The following RTN4RL1 variants were observed in gnomAD, a reference collection of about 807,000 sequenced individuals.
RTN4RL1 encodes the protein reticulon-4 receptor-like 1.
Under a neutral mutation model 25.6 loss-of-function variants are expected in RTN4RL1, and 7 were observed. That is an observed-to-expected ratio of 0.27 (90% CI 0.16 to 0.51). The LOEUF is 0.51. Among genes scored for constraint, RTN4RL1 ranks in the 20% least tolerant of loss-of-function variants. The pLI is 0.97. For missense variants in RTN4RL1, 500 were observed against 615.6 expected, an observed-to-expected ratio of 0.81 and a Z score of 1.99; for synonymous variants, 297 against 288.2, an observed-to-expected ratio of 1.03 and a Z score of -0.31.
chr17:1,938,842 G>A (rs1915371447), intron 1 of RTN4RL1, among the ~76,000 whole-genome samples: 1 of 150,966 alleles, frequency 6.6e-6, no homozygotes, highest in African/African-American at 2.4e-5. Context: ...CCTGAGGTCA[G>A]GAGTTCAACA....
At chr17:2,005,147 G>A (rs781507542) in intron 1 of RTN4RL1, among the ~76,000 whole-genome samples, 1 of 151,806 alleles carries the variant, frequency 6.6e-6, no homozygotes, top group Non-Finnish European at 1.5e-5. Context: ...CTGGGACTAC[G>A]GGTGCACACC....
chr17:1,967,424 T>G (rs2066796814), intron 1 of RTN4RL1, among the ~76,000 whole-genome samples: 1 of 151,926 alleles, frequency 6.6e-6, no homozygotes, highest in South Asian at 2.1e-4. Context: ...GTCTGTAGAC[T>G]CAGATCAAGC....
intron 1 of RTN4RL1, among the ~76,000 whole-genome samples, chr17:2,018,497 G>A (rs1305934269): frequency 6.6e-6 from 1 of 152,190 alleles, no homozygotes; most frequent in East Asian, 1.9e-4. Context: ...AGAGGGGAGT[G>A]CATAGGAACC....
At chr17:1,955,914 T>C (rs1045550968) in intron 1 of RTN4RL1, among the ~76,000 whole-genome samples, 1 of 152,064 alleles carries the variant, frequency 6.6e-6, no homozygotes, top group Non-Finnish European at 1.5e-5. Context: ...GTGGAAAACA[T>C]GAAAAGTATA....
rs1915298747 is a variant in RTN4RL1 at position 1,936,162 on chromosome 17, C to T, written c.*334G>A. ...GGAACGATCGGGATTCCACAGAGCCCCGGTGCCGCCGTCGGGGGCAATTGT... is the reference window on the plus strand; with the variant it reads ...GGAACGATCGGGATTCCACAGAGCCTCGGTGCCGCCGTCGGGGGCAATTGT... On this transcript the variant is annotated 3_prime_UTR_variant, in exon 2 of 2. Coordinates refer to ENST00000331238, the MANE Select transcript of RTN4RL1 (RefSeq NM_178568.4). 1.8e-6 allele frequency: 2 copies of T among 1,127,316 alleles called. No individual in the cohort carries two copies. The highest frequency in any genetic ancestry group is 2.2e-6 in the Non-Finnish European group (2 of 919,468). 69.8% of individuals were successfully genotyped at this position (1,127,316 alleles called of 1,614,324 possible).
intron 1 of RTN4RL1, among the ~76,000 whole-genome samples, chr17:1,940,186 T>C (rs1050887758): frequency 6.6e-6 from 1 of 152,230 alleles, no homozygotes; most frequent in Admixed American, 6.5e-5. Flanking sequence ...TCCCGTCCCC[T>C]GTAATCACCC....
At chr17:1,990,651 T>G (rs2066904789) in intron 1 of RTN4RL1, among the ~76,000 whole-genome samples, 1 of 151,878 alleles carries the variant, frequency 6.6e-6, no homozygotes, top group South Asian at 2.1e-4. Context: ...CAGTGAGCCA[T>G]GATGACACCA....
intron 1 of RTN4RL1, among the ~76,000 whole-genome samples, chr17:1,938,973 G>A (rs1374325783): frequency 1.3e-5 from 2 of 151,962 alleles, no homozygotes; most frequent in Non-Finnish European, 2.9e-5. Context: ...TTGAACCTGG[G>A]AGGCGGAGGT....
chr17:1,995,234 T>C (rs2066924229), intron 1 of RTN4RL1, among the ~76,000 whole-genome samples: 1 of 152,130 alleles, frequency 6.6e-6, no homozygotes, highest in African/African-American at 2.4e-5. Context: ...GAGACCGGCC[T>C]GGCCAACATG....
intron 1 of RTN4RL1, among the ~76,000 whole-genome samples, chr17:1,970,117 G>A (rs1244224736): frequency 6.6e-6 from 1 of 151,496 alleles, no homozygotes; most frequent in African/African-American, 2.4e-5. Context: ...CGCCTCCCAG[G>A]TTCAAGCGAT....
intron 1 of RTN4RL1, among the ~76,000 whole-genome samples, chr17:1,938,465 G>T (rs1915361928): frequency 6.6e-6 from 1 of 151,528 alleles, no homozygotes. Context: ...TCACGCCCAG[G>T]TAGTTTTTGT....
At chr17:2,022,007 T>C (rs913066227) in intron 1 of RTN4RL1, among the ~76,000 whole-genome samples, 4 of 151,382 alleles carry the variant, frequency 2.6e-5, no homozygotes, top group Non-Finnish European at 5.9e-5. Context: ...CACCAGTGTA[T>C]GCCACTGCAA....
Position 1,970,537 on chromosome 17 carries a change from G to A in RTN4RL1, c.14-32729C>T, listed in dbSNP as rs533714300. 2.8e-4 allele frequency among the ~76,000 whole-genome samples: 43 copies of A among 152,302 alleles called. 1 individual carries two copies. In the South Asian group the frequency reaches 8.3e-3, roughly 29 times the overall value. On this transcript the variant is annotated intron_variant, in intron 1 of 1. Transcript: ENST00000331238. ...AGGTTCCACGTGGGAAGGGGCCCTC[G>A]TGGGACAGGCGTGGCAGGAGGGATG... is the stretch of plus-strand genomic sequence containing the variant.
intron 1 of RTN4RL1, 29 bp from the exon 2 acceptor site, chr17:1,937,837 C>A: frequency 1.3e-6 from 2 of 1,525,326 alleles, no homozygotes; most frequent in South Asian, 2.4e-5. Flanking sequence ...ACAGCCAGGT[C>A]AGGGGCCGTG....
At chr17:1,999,765 A>G (rs1188934195) in intron 1 of RTN4RL1, among the ~76,000 whole-genome samples, 1 of 152,118 alleles carries the variant, frequency 6.6e-6, no homozygotes, top group Non-Finnish European at 1.5e-5. Context: ...CCCTGCTCCT[A>G]TTTAAAGAGA....
rs894770977 is a variant in RTN4RL1 at position 1,936,541 on chromosome 17, G to A, written c.1281C>T (p.Ala427=). The A allele has an allele frequency of 6.4e-6, 10 of 1,553,896 alleles. No individual in the cohort carries two copies. In the African/African-American group the frequency reaches 1.2e-4, roughly 19 times the overall value. Reference sequence around the variant, plus strand: ...GCCCCAGTGTCCAGGCCAGGAGGGAGGCCCCCAGGGAACTGGCCGAGGAGG... The same window carrying A: ...GCCCCAGTGTCCAGGCCAGGAGGGAAGCCCCCAGGGAACTGGCCGAGGAGG... ...QQASSASSLG[A]SLLAWTLGLA... is the part of the protein sequence containing the mutation. The change falls in exon 2 of 2, where the codon GCC becomes GCT. Residue 427 remains alanine (A), a synonymous_variant. Coordinates refer to ENST00000331238, the MANE Select transcript of RTN4RL1 (RefSeq NM_178568.4).
intron 1 of RTN4RL1, among the ~76,000 whole-genome samples, chr17:1,964,875 G>A (rs1359666574): frequency 3.0e-5 from 4 of 133,934 alleles, no homozygotes; most frequent in Non-Finnish European, 6.1e-5. Flanking sequence ...TGCAACCTCC[G>A]CCTCTCGTGT....
At chr17:1,971,136 G>A (rs969549014) in intron 1 of RTN4RL1, among the ~76,000 whole-genome samples, 1 of 152,172 alleles carries the variant, frequency 6.6e-6, no homozygotes, top group Non-Finnish European at 1.5e-5. Context: ...TCCATGTGTC[G>A]AAGGGGGAGG....
intron 1 of RTN4RL1, among the ~76,000 whole-genome samples, chr17:1,952,993 C>T (rs1339503754): frequency 6.6e-6 from 1 of 151,808 alleles, no homozygotes; most frequent in Non-Finnish European, 1.5e-5. Context: ...GGGAGAACTG[C>T]TTGAACCCAG....
Sources: gnomAD v4.1 joint callset for allele counts (sites outside exome capture counted in the v4.1 genomes callset) on GRCh38, gnomAD v4.1.1 for gene constraint, MANE v1.5 for transcripts, NCBI Gene and HGNC (gene_info 2026-07-23, HGNC 2026-07-21) for gene names.